The following SUGCT variants were observed in gnomAD, a reference collection of about 807,000 sequenced individuals.
SUGCT encodes the protein succinyl-CoA:glutarate-CoA transferase, also known as succinyl-CoA:glutarate CoA-transferase.
Under a neutral mutation model 55.0 loss-of-function variants are expected in SUGCT, and 41 were observed. That is an observed-to-expected ratio of 0.74 (90% CI 0.58 to 0.97). The LOEUF is 0.97. SUGCT is among the 50% of genes least tolerant of loss of function. The pLI, the probability that SUGCT is intolerant of heterozygous loss-of-function variation, is 0.00. For missense variants in SUGCT, 568 were observed against 547.8 expected (o/e 1.04, Z -0.37); for synonymous variants, 187 against 200.4 (o/e 0.93, Z 0.56).
At position 40,303,067 on chromosome 7, in the gene SUGCT, C is replaced by T. The variant is rs534610335; in HGVS notation, c.721-13693C>T. 8.9e-4 allele frequency among the ~76,000 whole-genome samples: 135 copies of T among 151,924 alleles called. 1 individual carries two copies. The highest frequency in any genetic ancestry group is 3.4e-3 in the Middle Eastern group (1 of 294). Reference sequence around the variant, plus strand: ...TCTTTTTTTTGAGATGGAGTCTTGCCCTGTCACCCAGGCTGGAGTGCAGTG... The same window carrying T: ...TCTTTTTTTTGAGATGGAGTCTTGCTCTGTCACCCAGGCTGGAGTGCAGTG... On this transcript the variant is annotated intron_variant, in intron 8 of 13. Transcript: ENST00000335693.
chr7:40,337,914 T>G (rs888179676), intron 9 of SUGCT, among the ~76,000 whole-genome samples: 2 of 152,206 alleles, frequency 1.3e-5, no homozygotes, highest in African/African-American at 4.8e-5. Context: ...GTTTAGTGCT[T>G]CATTCAGGAG....
At chr7:40,254,919 G>C (rs981440485) in intron 7 of SUGCT, among the ~76,000 whole-genome samples, 6 of 151,594 alleles carry the variant, frequency 4.0e-5, no homozygotes, top group Non-Finnish European at 1.5e-5. Flanking sequence ...AAAAACAATA[G>C]TAATGAAAGG....
At chr7:40,957,447 C>CTTTTT in the SUGCT span, among the ~76,000 whole-genome samples, 39 of 76,102 alleles carry the variant, frequency 5.1e-4, no homozygotes, top group African/African-American at 1.5e-3. Context: ...GCAACCCCTG[C>CTTTTT]TTTTTTTTTT....
In SUGCT at chr7:40,774,777, T is replaced by TA. The variant is rs5883739; in HGVS notation, c.1153+25295dup. ...ATAACGACTAAGGCATTTTGGCAAA[T>TA]AAAAAAAAAAAAAAACCCACAAATT... On this transcript the variant is annotated intron_variant, in intron 13 of 13. Coordinates refer to ENST00000335693, the MANE Select transcript of SUGCT (RefSeq NM_001193313.2). Among the ~76,000 whole-genome samples, 1,286 of 132,620 alleles carry TA rather than the reference T, an allele frequency of 9.7e-3. 17 individuals carry two copies. The highest frequency in any genetic ancestry group is 0.032 in the African/African-American group (1,088 of 34,356). 87.0% of individuals were successfully genotyped at this position (132,620 alleles called of 152,430 possible).
chr7:40,988,273 G>A, the SUGCT span, among the ~76,000 whole-genome samples: 1 of 149,604 alleles, frequency 6.7e-6, no homozygotes, highest in Non-Finnish European at 1.5e-5. Context: ...GTTTAGAAGT[G>A]TTAAAGGCCA....
intron 9 of SUGCT, among the ~76,000 whole-genome samples, chr7:40,325,176 C>T (rs1795965953): frequency 6.6e-6 from 1 of 151,942 alleles, no homozygotes; most frequent in Admixed American, 6.6e-5. Context: ...TAAATCATGG[C>T]AGATTAGGTA....
chr7:40,234,624 T>C (rs903911813), intron 6 of SUGCT, among the ~76,000 whole-genome samples: 4 of 152,192 alleles, frequency 2.6e-5, no homozygotes, highest in African/African-American at 9.6e-5. Flanking sequence ...AGTATGGTTT[T>C]ATGTGGCCGG....
At chr7:40,630,065 T>C (rs549384851) in intron 12 of SUGCT, among the ~76,000 whole-genome samples, 1 of 152,224 alleles carries the variant, frequency 6.6e-6, no homozygotes, top group Admixed American at 6.5e-5. Context: ...AAATTTATAC[T>C]AAGGCATGGA....
At chr7:40,390,142 A>G (rs1019674306) in intron 9 of SUGCT, among the ~76,000 whole-genome samples, 10 of 152,224 alleles carry the variant, frequency 6.6e-5, no homozygotes, top group Non-Finnish European at 1.2e-4. Flanking sequence ...TCTCAAAATA[A>G]TATGAGCTAT....
chr7:40,242,774 C>T (rs1789492956), intron 7 of SUGCT, among the ~76,000 whole-genome samples: 1 of 151,090 alleles, frequency 6.6e-6, no homozygotes, highest in Non-Finnish European at 1.5e-5. Flanking sequence ...AAATGGGCCT[C>T]AGTAAGATGT....
intron 8 of SUGCT, among the ~76,000 whole-genome samples, chr7:40,277,013 G>A (rs12701810): frequency 0.3 from 44,884 of 151,912 alleles, 6,983 homozygotes; most frequent in East Asian, 0.48. Context: ...GGAATGTCTC[G>A]TAACCCTTAG....
chr7:40,799,470 T>G (rs1434535396), intron 13 of SUGCT, among the ~76,000 whole-genome samples: 2 of 152,062 alleles, frequency 1.3e-5, no homozygotes, highest in Non-Finnish European at 2.9e-5. Flanking sequence ...AGAAGAAAAG[T>G]GAGGCAGAGT....
At chr7:40,597,171 T>A (rs1798053503) in intron 12 of SUGCT, among the ~76,000 whole-genome samples, 1 of 152,188 alleles carries the variant, frequency 6.6e-6, no homozygotes, top group African/African-American at 2.4e-5. Context: ...ATTCTGTTTC[T>A]CCAAAAGAAA....
chr7:40,663,096 G>A (rs1228692493), intron 12 of SUGCT, among the ~76,000 whole-genome samples: 1 of 152,184 alleles, frequency 6.6e-6, no homozygotes. Flanking sequence ...AAAAATGTTA[G>A]CATACTGTCC....
chr7:41,028,900 C>G, the SUGCT span, among the ~76,000 whole-genome samples: 13 of 152,272 alleles, frequency 8.5e-5, no homozygotes, highest in African/African-American at 3.1e-4. Flanking sequence ...CCCTCATGGG[C>G]TTGTTGAAGT....
intron 13 of SUGCT, among the ~76,000 whole-genome samples, chr7:40,843,034 A>C (rs1793352831): frequency 6.6e-6 from 1 of 152,194 alleles, no homozygotes; most frequent in South Asian, 2.1e-4. Context: ...GGTTAAACTC[A>C]ATCAGTCCCT....
chr7:40,191,053 G>C (rs1335735328), intron 5 of SUGCT, among the ~76,000 whole-genome samples: 1 of 152,156 alleles, frequency 6.6e-6, no homozygotes, highest in Non-Finnish European at 1.5e-5. Context: ...GTCTTGCCGT[G>C]TCACCCAGGC....
intron 12 of SUGCT, among the ~76,000 whole-genome samples, chr7:40,623,202 C>T (rs933987183): frequency 1.3e-5 from 2 of 152,192 alleles, no homozygotes; most frequent in African/African-American, 4.8e-5. Context: ...TCCATTTGCC[C>T]ATCTCTCCAT....
chr7:40,308,092 A>G (rs1794935846), intron 8 of SUGCT, among the ~76,000 whole-genome samples: 1 of 152,190 alleles, frequency 6.6e-6, no homozygotes, highest in Non-Finnish European at 1.5e-5. Context: ...TTTAGTTAAC[A>G]GTGTGTTTTC....
Sources: gnomAD v4.1 joint callset for allele counts (sites outside exome capture counted in the v4.1 genomes callset) on GRCh38, gnomAD v4.1.1 for gene constraint, MANE v1.5 for transcripts, NCBI Gene and HGNC (gene_info 2026-07-23, HGNC 2026-07-21) for gene names.